The following SNCAIP variants were observed in gnomAD, a reference collection of about 807,000 sequenced individuals.
SNCAIP encodes synphilin-1.
In SNCAIP, 43 loss-of-function variants were observed where a neutral mutation model predicts 86.7. That is an observed-to-expected ratio of 0.50 (90% CI 0.39 to 0.64). The LOEUF (loss-of-function observed/expected upper bound fraction) is 0.64, where lower values mean the gene tolerates loss of function less well. SNCAIP is among the 30% of genes least tolerant of loss of function. The pLI is 0.00. For synonymous variants in SNCAIP, 417 were observed against 427.2 expected (o/e 0.98, Z 0.29); for missense variants, 981 against 1,103.1 (o/e 0.89, Z 1.57).
chr5:122,450,786 G>T lies in SNCAIP; in HGVS notation c.1939G>T (p.Ala647Ser), dbSNP rs149789738. ...KLSLEFQDAQASSRNSKKIPL... is the reference protein window; with the variant it reads ...KLSLEFQDAQSSSRNSKKIPL... Reference sequence around the variant, plus strand: ...GTCCTTGGAATTCCAGGATGCTCAGGCTTCCTCTAGAAATTCTAAAAAGAT... The same window carrying T: ...GTCCTTGGAATTCCAGGATGCTCAGTCTTCCTCTAGAAATTCTAAAAAGAT... The change falls in exon 10 of 11, where the codon GCT becomes TCT. Residue 647 changes from alanine to serine, a missense_variant. Ala to Ser is a moderately conservative substitution (Grantham distance 99, BLOSUM62 1). Transcript: ENST00000261368. 1 of 1,614,002 alleles carries T rather than the reference G, an allele frequency of 6.2e-7. No individual in the cohort carries two copies. Among genetic ancestry groups the T allele is most frequent in the Non-Finnish European group, 8.5e-7 (1 of 1,179,982 alleles).
rs1183763713 is a variant in SNCAIP, at chr5:122,451,275, C to T, written c.2428C>T (p.Gln810Ter). ...TCCATCTTCCAAGCGTAGGACATCT[C>T]AGAACTTAAAACTGAGAGTTACCTT... ...KSPSSKRRTS[Q>*]NLKLRVTFEE... Residue 810 changes from glutamine to a stop codon, truncating the protein, a stop_gained, in exon 10 of 11, where the codon CAG (glutamine) becomes TAG (stop). Coordinates refer to ENST00000261368, the MANE Select transcript of SNCAIP (RefSeq NM_005460.4). LOFTEE classifies it high-confidence loss of function. 6.2e-7 allele frequency: 1 copy of T among 1,614,144 alleles called. No individual in the cohort carries two copies. Among genetic ancestry groups the T allele is most frequent in the Admixed American group, 1.7e-5 (1 of 60,018 alleles).
At chr5:122,360,294 G>A (rs1446118423) in intron 1 of SNCAIP, among the ~76,000 whole-genome samples, 1 of 152,164 alleles carries the variant, frequency 6.6e-6, no homozygotes, top group African/African-American at 2.4e-5. Context: ...TGGCACCAAT[G>A]GAATAGAATG....
At position 122,385,671 on chromosome 5, in the gene SNCAIP, G is replaced by A. The variant is rs938684314; in HGVS notation, c.-46-5418G>A. Among the ~76,000 whole-genome samples, 5 of 142,352 alleles carry A rather than the reference G, an allele frequency of 3.5e-5. No homozygotes were observed. In the South Asian group the frequency reaches 6.8e-4, roughly 19 times the overall value. 93.4% of individuals were successfully genotyped at this position (142,352 alleles called of 152,430 possible). ...ATTTGGCAGGCATGCGTGTGCGCAC[G>A]TATGTGTGTGTGTGTGTGTGTGTGT... On this transcript the variant is annotated intron_variant, in intron 1 of 10. Transcript: ENST00000261368.
At chr5:122,456,438 C>G (rs1327810161) in intron 10 of SNCAIP, among the ~76,000 whole-genome samples, 2 of 152,170 alleles carry the variant, frequency 1.3e-5, no homozygotes, top group Non-Finnish European at 2.9e-5. Context: ...ATCATTCCCC[C>G]ACCCCTAACA....
At chr5:122,316,900 A>G (rs1354608092) in intron 1 of SNCAIP, among the ~76,000 whole-genome samples, 1 of 152,210 alleles carries the variant, frequency 6.6e-6, no homozygotes, top group Non-Finnish European at 1.5e-5. Context: ...TCTGAACAGC[A>G]TACACAGCTG....
At chr5:122,445,465 G>GTCC (rs1321535823) in intron 8 of SNCAIP, among the ~76,000 whole-genome samples, 3 of 152,054 alleles carry the variant, frequency 2.0e-5, no homozygotes, top group African/African-American at 4.8e-5. Flanking sequence ...GGACTAAGGA[G>GTCC]TTAACACCTG....
chr5:122,447,278 G>A (rs1015324429), intron 8 of SNCAIP, among the ~76,000 whole-genome samples: 2 of 152,174 alleles, frequency 1.3e-5, no homozygotes, highest in African/African-American at 4.8e-5. Context: ...CTCCAGAGCT[G>A]TGCGATAATA....
intron 7 of SNCAIP, chr5:122,443,701 G>A (rs919655878): frequency 1.3e-5 from 6 of 455,128 alleles, no homozygotes; most frequent in Admixed American, 1.2e-4. Flanking sequence ...AAGAGAAAAA[G>A]TCCGGTATCT....
chr5:122,383,591 A>ATATG (rs1767455595), intron 1 of SNCAIP: 1 of 152,534 alleles, frequency 6.6e-6, no homozygotes, highest in Non-Finnish European at 1.5e-5. Context: ...GGTACATAAA[A>ATATG]TATGTATATC....
At chr5:122,421,875 A>G (rs1322541808) in intron 3 of SNCAIP, among the ~76,000 whole-genome samples, 1 of 152,140 alleles carries the variant, frequency 6.6e-6, no homozygotes, top group Non-Finnish European at 1.5e-5. Context: ...GCAGCCTCTC[A>G]TAACCAGGAG....
intron 1 of SNCAIP, among the ~76,000 whole-genome samples, chr5:122,346,159 C>G (rs1561550038): frequency 6.6e-6 from 1 of 152,088 alleles, no homozygotes; most frequent in Non-Finnish European, 1.5e-5. Context: ...TAAATATGAC[C>G]TGGCCCTGCA....
chr5:122,391,939 CAG>C (rs763201877), intron 2 of SNCAIP, among the ~76,000 whole-genome samples: 1 of 152,194 alleles, frequency 6.6e-6, no homozygotes, highest in African/African-American at 2.4e-5. Context: ...GGCTAACTCT[CAG>C]AGTATGTGAT....
chr5:122,455,174 C>A (rs1280497275), intron 10 of SNCAIP, among the ~76,000 whole-genome samples: 1 of 152,144 alleles, frequency 6.6e-6, no homozygotes, highest in Admixed American at 6.5e-5. Context: ...CATGTGTTTC[C>A]ATAGGAAGTG....
At chr5:122,418,638 A>G (rs931590149) in intron 3 of SNCAIP, among the ~76,000 whole-genome samples, 9 of 152,178 alleles carry the variant, frequency 5.9e-5, no homozygotes, top group Non-Finnish European at 8.8e-5. Context: ...AAGGAGTTAA[A>G]TTCATTCTAG....
At chr5:122,311,935 C>A (rs1266447932), upstream of SNCAIP, 1 of 150,338 alleles carries the variant, frequency 6.7e-6, no homozygotes, top group Non-Finnish European at 1.5e-5. Context: ...GGCCTGGGGG[C>A]GGCCGCAGGG....
intron 10 of SNCAIP, among the ~76,000 whole-genome samples, chr5:122,463,047 C>G (rs568047203): frequency 1.3e-5 from 2 of 152,312 alleles, no homozygotes; most frequent in South Asian, 4.1e-4. Context: ...ACTCAGTAAT[C>G]ACACACCAAA....
At chr5:122,401,191 T>C in intron 2 of SNCAIP, 1 of 1,457,620 alleles carries the variant, frequency 6.9e-7, no homozygotes, top group Non-Finnish European at 9.2e-7. Flanking sequence ...GATGAAGGCC[T>C]GGGAAGCCTT....
chr5:122,416,083 C>G (rs1263168812), intron 3 of SNCAIP, among the ~76,000 whole-genome samples: 1 of 152,130 alleles, frequency 6.6e-6, no homozygotes. Context: ...TGGAATATGC[C>G]TCTTTGGTGA....
At chr5:122,430,722 CTAAAAATTATGAGAAATTTTT>C (rs67753714) in intron 5 of SNCAIP, among the ~76,000 whole-genome samples, 33,718 of 151,514 alleles carry the variant, frequency 0.22, 4,325 homozygotes, top group South Asian at 0.33. Context: ...GTTTAAGTTT[CTAAAAATTATGAGAAATTTTT>C]TAAAAATTAT....
Sources: gnomAD v4.1 joint callset for allele counts (sites outside exome capture counted in the v4.1 genomes callset) on GRCh38, gnomAD v4.1.1 for gene constraint, MANE v1.5 for transcripts, NCBI Gene and HGNC (gene_info 2026-07-23, HGNC 2026-07-21) for gene names.